PI4KA: variants seen among roughly 807,000 people sequenced by gnomAD.
The protein encoded by PI4KA is phosphatidylinositol 4-kinase alpha.
Under a neutral mutation model 271.4 loss-of-function variants are expected in PI4KA, and 122 were observed. The observed-to-expected ratio is 0.45, with a 90% CI of 0.39 to 0.52. PI4KA has a LOEUF of 0.52. PI4KA is among the 20% of genes least tolerant of loss of function. PI4KA has a pLI of 0.00. For missense variants in PI4KA, 1,969 were observed against 2,769.1 expected (o/e 0.71, Z 6.48); for synonymous variants, 1,041 against 1,078.8 (o/e 0.96, Z 0.69).
chr22:20,824,507 G>T (rs1481572680), intron 3 of PI4KA, 93 bp from the exon 4 acceptor site: 2 of 827,408 alleles, frequency 2.4e-6, no homozygotes, highest in Non-Finnish European at 3.8e-6. Context: ...CTCTCACCAT[G>T]ACCTGCCAAG....
At chr22:20,740,755 T>C (rs1438488476) in intron 32 of PI4KA, among the ~76,000 whole-genome samples, 1 of 152,208 alleles carries the variant, frequency 6.6e-6, no homozygotes, top group Admixed American at 6.5e-5. Flanking sequence ...AAAAGACTGT[T>C]GACTTCTCTC....
Position 20,802,183 on chromosome 22 carries a change from G to T in PI4KA, c.1592-78C>A, listed in dbSNP as rs1384611454. ...ACCTTCTTTGTAATTCAAAAACCAA[G>T]ATAATATGCTGATCATTTATAAAAG... is the stretch of plus-strand genomic sequence containing the variant. On this transcript the variant is annotated intron_variant, in intron 13 of 54. Coordinates refer to ENST00000255882, the MANE Select transcript of PI4KA (RefSeq NM_058004.4). 2.3e-6 allele frequency: 3 copies of T among 1,300,610 alleles called. No homozygotes were observed. In the Admixed American group the frequency reaches 5.8e-5, roughly 25 times the overall value. The allele number at this position is 1,300,610 out of a possible 1,614,324, so 80.6% of individuals were successfully genotyped here. A position where few individuals can be genotyped will look rare whatever the true frequency, so the allele number is the denominator to read the frequency against.
Position 20,858,701 on chromosome 22 carries a change from C to G in PI4KA, c.25G>C (p.Gly9Arg). The stretch of plus-strand genomic sequence containing the variant: ...CCGCCGCCTCCGCCTCCGCCTCCGC[C>G]TCCCCGGGCCGGGGCCGCCGCCATC... MAAAPARG[G>R]GGGGGGGGGC... The change falls in exon 1 of 55, where the codon GGC (glycine) becomes CGC (arginine). Residue 9 changes from glycine (G) to arginine (R), a missense_variant. Around this residue, in one of 13 missense-constraint regions of PI4KA, gnomAD observed 540 missense variants for 555.5 expected, o/e 0.97. Transcript: ENST00000255882. 1.4e-6 allele frequency: 2 copies of G among 1,461,994 alleles called. No homozygotes were observed. Among genetic ancestry groups the G allele is most frequent in the Non-Finnish European group, 1.8e-6 (2 of 1,111,830 alleles). 90.6% of individuals were successfully genotyped at this position (1,461,994 alleles called of 1,614,324 possible).
intron 19 of PI4KA, chr22:20,786,937 G>A (rs199566178): frequency 2.9e-5 from 47 of 1,614,148 alleles, no homozygotes; most frequent in Non-Finnish European, 3.6e-5. Context: ...CTGTGACCAC[G>A]GTGGGGTTCA....
At chr22:20,722,515 G>A (rs959055675) in intron 42 of PI4KA, among the ~76,000 whole-genome samples, 1 of 152,048 alleles carries the variant, frequency 6.6e-6, no homozygotes, top group African/African-American at 2.4e-5. Flanking sequence ...GTGTGAAAAT[G>A]GACTAATATA....
chr22:20,810,425 C>T lies in PI4KA; in HGVS notation c.1071+542G>A, dbSNP rs574780367. Among the ~76,000 whole-genome samples, 21 of 151,600 alleles carry T rather than the reference C, an allele frequency of 1.4e-4. No individual in the cohort carries two copies. In the South Asian group the frequency reaches 1.5e-3, roughly 11 times the overall value. ...TTAGGAAGCGGAGGTAGGAGAATGG[C>T]GTGAACCTGGGAGGCAGAGCTTGCA... On this transcript the variant is annotated intron_variant, in intron 9 of 54. Transcript: ENST00000255882.
intron 3 of PI4KA, among the ~76,000 whole-genome samples, chr22:20,827,601 T>C (rs1923587902): frequency 1.3e-5 from 2 of 152,312 alleles, no homozygotes; most frequent in South Asian, 2.1e-4. Context: ...TCATTGGTAG[T>C]TTGATAGGAA....
chr22:20,790,904 C>T (rs1934602381), intron 19 of PI4KA, among the ~76,000 whole-genome samples: 1 of 152,052 alleles, frequency 6.6e-6, no homozygotes, highest in African/African-American at 2.4e-5. Context: ...ACTAAAAATA[C>T]ACTTATTCTT....
At chr22:20,776,045 A>G (rs1933245375) in intron 19 of PI4KA, among the ~76,000 whole-genome samples, 1 of 152,098 alleles carries the variant, frequency 6.6e-6, no homozygotes. Context: ...CTAGAGGCTG[A>G]GCATGGTAAC....
At position 20,798,592 on chromosome 22, in the gene PI4KA, G is replaced by A. The variant is rs751695086; in HGVS notation, c.2100C>T (p.His700=). The A allele has an allele frequency of 2.8e-5, 45 of 1,599,212 alleles. No individual in the cohort carries two copies. Among genetic ancestry groups the A allele is most frequent in the African/African-American group, 2.5e-4 (19 of 74,630 alleles). The part of the protein sequence containing the change: ...VYSATKDYKD[H]GYRHCSLAVI... ...CAATGAGGTCCAGTTACCTATAGCC[G>A]TGGTCCTTGTAATCTTTGGTGGCTG... Residue 700 remains histidine (H), a synonymous_variant, in exon 17 of 55, where the codon CAC becomes CAT. Transcript: ENST00000255882.
At position 20,709,350 on chromosome 22, in the gene PI4KA, C is replaced by A. The variant is rs775542034; in HGVS notation, c.6203G>T (p.Arg2068Leu). ...CTTCATGATGAAATTTGCAGCCTCG[C>A]GCTCAGTCATGTTGGGGCTAAACCT... ...KHRFSPNMTE[R>L]EAANFIMKVI... Residue 2068 changes from arginine (R) to leucine (L), a missense_variant, in exon 54 of 55, where the codon CGC (arginine) becomes CTC (leucine). By Grantham distance (102) the Arg-to-Leu change is moderately radical. Around this residue, in one of 13 missense-constraint regions of PI4KA, gnomAD observed 110 missense variants for 349.8 expected, o/e 0.31. Coordinates refer to ENST00000255882, the MANE Select transcript of PI4KA (RefSeq NM_058004.4). The A allele has an allele frequency of 7.3e-7, 1 of 1,374,154 alleles. No homozygotes were observed. The highest frequency in any genetic ancestry group is 1.0e-6 in the Non-Finnish European group (1 of 986,194). 85.1% of individuals were successfully genotyped at this position (1,374,154 alleles called of 1,614,324 possible).
At chr22:20,800,715 T>C (rs1017242102) in intron 14 of PI4KA, among the ~76,000 whole-genome samples, 1 of 123,604 alleles carries the variant, frequency 8.1e-6, no homozygotes. Context: ...AAAAAAAAAA[T>C]ACAAAAAAAT....
At chr22:20,799,002 A>G (rs1018101163) in intron 16 of PI4KA, 91 bp downstream of exon 16, 3 of 1,033,768 alleles carry the variant, frequency 2.9e-6, no homozygotes, top group South Asian at 3.2e-5. Context: ...TCTGCAAGGT[A>G]TATTTAATCT....
Position 20,798,611 on chromosome 22 carries a change from G to C in PI4KA, c.2081C>G (p.Thr694Ser). 6.2e-7 allele frequency: 1 copy of C among 1,612,576 alleles called. No individual in the cohort carries two copies. ...ATAGCCGTGGTCCTTGTAATCTTTG[G>C]TGGCTGAGTATACAACGGAGCTGGC... ...VKASSVVYSA[T>S]KDYKDHGYRH... The change falls in exon 17 of 55, where the codon ACC (threonine) becomes AGC (serine). Residue 694 changes from threonine to serine, a missense_variant. Thr to Ser is a moderately conservative substitution (Grantham distance 58). Around this residue, in one of 13 missense-constraint regions of PI4KA, gnomAD observed 368 missense variants for 544.3 expected, o/e 0.68. Coordinates refer to ENST00000255882, the MANE Select transcript of PI4KA (RefSeq NM_058004.4).
chr22:20,807,034 C>T (rs1935692608), intron 10 of PI4KA, among the ~76,000 whole-genome samples: 1 of 152,138 alleles, frequency 6.6e-6, no homozygotes, highest in Non-Finnish European at 1.5e-5. Context: ...TGTGCCTGGC[C>T]TCTTTTTTAA....
intron 4 of PI4KA, among the ~76,000 whole-genome samples, chr22:20,822,516 C>T (rs1364580683): frequency 6.6e-6 from 1 of 152,204 alleles, no homozygotes; most frequent in Non-Finnish European, 1.5e-5. Flanking sequence ...CAGCTTTGTG[C>T]CTTCTCCAAA....
At chr22:20,735,145 G>C (rs1394205267) in intron 32 of PI4KA, among the ~76,000 whole-genome samples, 1 of 151,450 alleles carries the variant, frequency 6.6e-6, no homozygotes, top group Admixed American at 6.6e-5. Flanking sequence ...CCGTGGGGGG[G>C]CATGAGGGGT....
intron 32 of PI4KA, among the ~76,000 whole-genome samples, chr22:20,741,735 C>T (rs985669212): frequency 6.6e-6 from 1 of 152,200 alleles, no homozygotes; most frequent in Non-Finnish European, 1.5e-5. Flanking sequence ...CCCTGCTACC[C>T]TGACAGTTAA....
Position 20,733,227 on chromosome 22 carries a change from T to A in PI4KA, c.4161-129A>T, listed in dbSNP as rs916201894. The A allele has an allele frequency of 1.5e-5, 15 of 980,854 alleles. No homozygotes were observed. The African/African-American group carries it at 2.2e-4, about 15-fold the overall frequency. 60.8% of individuals were successfully genotyped at this position (980,854 alleles called of 1,614,324 possible). Reference sequence around the variant, plus strand: ...CAAAAGGTCAGCCCAAAGCCAGTCATTAGCAAGGATGATCTGGCCCATTCC... The same window carrying A: ...CAAAAGGTCAGCCCAAAGCCAGTCAATAGCAAGGATGATCTGGCCCATTCC... On this transcript the variant is annotated intron_variant, in intron 35 of 54. Coordinates refer to ENST00000255882, the MANE Select transcript of PI4KA (RefSeq NM_058004.4).
Sources: gnomAD v4.1 joint callset for allele counts (sites outside exome capture counted in the v4.1 genomes callset) on GRCh38, gnomAD v4.1.1 for gene constraint, gnomAD v4.1.1 regional missense constraint, MANE v1.5 for transcripts, NCBI Gene and HGNC (gene_info 2026-07-23, HGNC 2026-07-21) for gene names.